Variants in OTUD3 observed in about 807,000 individuals in gnomAD.
OTUD3 encodes the protein OTU deubiquitinase 3, also known as OTU domain-containing protein 3.
OTUD3 carries 24 observed loss-of-function variants against 46.2 expected under a neutral mutation model. The observed-to-expected ratio is 0.52, with a 90% CI of 0.38 to 0.73. OTUD3 has a LOEUF of 0.73. Among genes scored for constraint, OTUD3 ranks in the 30% least tolerant of loss-of-function variants. The probability of loss-of-function intolerance (pLI) is 0.00; values close to 1 mark genes in which losing one functional copy is unlikely to be tolerated. For missense variants in OTUD3, 455 were observed against 523.3 expected, an observed-to-expected ratio of 0.87 and a Z score of 1.27; for synonymous variants, 189 against 195.4, an observed-to-expected ratio of 0.97 and a Z score of 0.27.
intron 3 of OTUD3, among the ~76,000 whole-genome samples, chr1:19,895,588 A>G (rs1458637772): frequency 6.6e-6 from 1 of 152,214 alleles, no homozygotes; most frequent in Admixed American, 6.5e-5. Flanking sequence ...AAAGTAAGAT[A>G]GTGCAGGGAT....
rs1199591956 is a variant in OTUD3 at position 19,890,372 on chromosome 1, G to C, written c.222-13G>C. The C allele has an allele frequency of 6.2e-7, 1 of 1,613,368 alleles. No homozygotes were observed. On this transcript the variant is annotated splice_polypyrimidine_tract_variant and intron_variant, in intron 1 of 7. Coordinates refer to ENST00000375120, the MANE Select transcript of OTUD3 (RefSeq NM_015207.2). Reference sequence around the variant, plus strand: ...TTTTTGAAAGGTCTTGACTCGTGTTGTTGTTTTGACAGCAATTGCTTGTTC... The same window carrying C: ...TTTTTGAAAGGTCTTGACTCGTGTTCTTGTTTTGACAGCAATTGCTTGTTC...
chr1:19,903,717 A>G (rs1029717511), intron 4 of OTUD3, among the ~76,000 whole-genome samples: 46 of 152,256 alleles, frequency 3.0e-4, no homozygotes, highest in African/African-American at 1.1e-3. Context: ...TGGATTGACA[A>G]GTTTCCCTGG....
At chr1:19,884,041 A>C (rs966576348) in intron 1 of OTUD3, among the ~76,000 whole-genome samples, 2 of 152,246 alleles carry the variant, frequency 1.3e-5, no homozygotes, top group African/African-American at 4.8e-5. Context: ...TGCTTGGTAC[A>C]TGGAAGGCAG....
chr1:19,890,615 C>A, intron 2 of OTUD3, 82 bp downstream of exon 2: 1 of 1,258,182 alleles, frequency 7.9e-7, no homozygotes, highest in Non-Finnish European at 1.2e-6. Context: ...CCCCTCCCAG[C>A]CAAGGGTTTG....
rs1482202797 is a variant in OTUD3 at position 19,907,639 on chromosome 1, C to A, written c.1090C>A (p.His364Asn). 1.9e-6 allele frequency: 3 copies of A among 1,614,158 alleles called. No individual in the cohort carries two copies. The highest frequency in any genetic ancestry group is 1.7e-6 in the Non-Finnish European group (2 of 1,180,030). ...KKKRQEERHRHKALESRGSHR... is the reference protein window; with the variant it reads ...KKKRQEERHRNKALESRGSHR... ...GAAGCGGCAGGAGGAGAGGCACCGC[C>A]ACAAAGCCCTGGAGAGCAGAGGTAG... Residue 364 changes from histidine (H) to asparagine (N), a missense_variant, in exon 8 of 8, where the codon CAC (histidine) becomes AAC (asparagine). His to Asn is a moderately conservative substitution (Grantham distance 68). Transcript: ENST00000375120.
Position 19,894,435 on chromosome 1 carries a change from T to G in OTUD3, c.438T>G (p.His146Gln). 1.9e-6 allele frequency: 3 copies of G among 1,611,512 alleles called. No homozygotes were observed. The highest frequency in any genetic ancestry group is 2.5e-6 in the Non-Finnish European group (3 of 1,178,668). The change falls in exon 3 of 8, where the codon CAT (histidine) becomes CAG (glutamine). Residue 146 changes from histidine (H) to glutamine (Q), a missense_variant. Physicochemically the swap from His to Gln is conservative, Grantham distance 24. Coordinates refer to ENST00000375120, the MANE Select transcript of OTUD3 (RefSeq NM_015207.2). ...NDAIVAFARN[H>Q]QLNVVIHQLN... ...CAATTGTAGCCTTTGCAAGAAATCA[T>G]CAGTTGAATGTAGTGATTCATCAAC... is the stretch of plus-strand genomic sequence containing the variant.
In OTUD3 at chr1:19,912,752, G is replaced by C. The variant is rs911848008; in HGVS notation, c.*5006G>C. On this transcript the variant is annotated 3_prime_UTR_variant, in exon 8 of 8. Coordinates refer to ENST00000375120, the MANE Select transcript of OTUD3 (RefSeq NM_015207.2). ...CCTAGATTGTTTCTTTCCACGGATT[G>C]TGTTCATCTGAACCATTTTATTTTT... 12 of 152,304 alleles carry C rather than the reference G, an allele frequency of 7.9e-5. No individual in the cohort carries two copies. Among genetic ancestry groups the C allele is most frequent in the Non-Finnish European group, 1.2e-4 (8 of 68,030 alleles). 9.4% of individuals were successfully genotyped at this position (152,304 alleles called of 1,614,324 possible). A position where few individuals can be genotyped will look rare whatever the true frequency, so the allele number is the denominator to read the frequency against.
chr1:19,892,076 G>A (rs558964147), intron 2 of OTUD3, among the ~76,000 whole-genome samples: 1 of 152,244 alleles, frequency 6.6e-6, no homozygotes, highest in South Asian at 2.1e-4. Flanking sequence ...GGATTTTGGG[G>A]TGTTACAGGA....
chr1:19,893,806 C>T (rs1021582713), intron 2 of OTUD3, among the ~76,000 whole-genome samples: 1 of 152,220 alleles, frequency 6.6e-6, no homozygotes, highest in Non-Finnish European at 1.5e-5. Flanking sequence ...TAGTGCCTAT[C>T]TTGTTTGCCC....
Position 19,910,639 on chromosome 1 carries a change from G to A in OTUD3, c.*2893G>A, listed in dbSNP as rs2045722484. ...TTTTAAATGTTAGTCGAAGTTGTCT[G>A]TAGTTTCTTTATTAAGCTCTGAAAA... On this transcript the variant is annotated 3_prime_UTR_variant, in exon 8 of 8. Transcript: ENST00000375120. 1 of 152,376 alleles carries A rather than the reference G, an allele frequency of 6.6e-6. No individual in the cohort carries two copies. Among genetic ancestry groups the A allele is most frequent in the African/African-American group, 2.4e-5 (1 of 41,464 alleles). 9.4% of individuals were successfully genotyped at this position (152,376 alleles called of 1,614,324 possible).
intron 1 of OTUD3, 43 bp downstream of exon 1, chr1:19,882,777 G>T: frequency 7.9e-7 from 1 of 1,264,830 alleles, no homozygotes; most frequent in Non-Finnish European, 1.0e-6. Context: ...CGGGGGACGC[G>T]CCGGGCTCGG....
chr1:19,904,193 G>C, intron 4 of OTUD3, 74 bp from the exon 5 acceptor site: 1 of 1,204,242 alleles, frequency 8.3e-7, no homozygotes, highest in African/African-American at 1.5e-5. Context: ...CCAGATTAGA[G>C]TGTCTTGTGT....
At chr1:19,902,645 T>C (rs916868632) in intron 4 of OTUD3, among the ~76,000 whole-genome samples, 1 of 152,186 alleles carries the variant, frequency 6.6e-6, no homozygotes, top group Non-Finnish European at 1.5e-5. Flanking sequence ...GTTCTGCCTT[T>C]TTGAGTTGTA....
Position 19,910,715 on chromosome 1 carries a change from T to C in OTUD3, c.*2969T>C, listed in dbSNP as rs2045723527. On this transcript the variant is annotated 3_prime_UTR_variant, in exon 8 of 8. Coordinates refer to ENST00000375120, the MANE Select transcript of OTUD3 (RefSeq NM_015207.2). Reference sequence around the variant, plus strand: ...AGGGCTTGGGAAGTGGGATCTCCCTTGTGGAGCAGCTGGAGCTGGCTGGGA... The same window carrying C: ...AGGGCTTGGGAAGTGGGATCTCCCTCGTGGAGCAGCTGGAGCTGGCTGGGA... 1 of 152,268 alleles carries C rather than the reference T, an allele frequency of 6.6e-6. No homozygotes were observed. The highest frequency in any genetic ancestry group is 2.4e-5 in the African/African-American group (1 of 41,436). 9.4% of individuals were successfully genotyped at this position (152,268 alleles called of 1,614,324 possible).
intron 3 of OTUD3, 74 bp from the exon 4 acceptor site, chr1:19,897,466 C>G (rs761874311): frequency 6.5e-7 from 1 of 1,536,588 alleles, no homozygotes; most frequent in African/African-American, 1.4e-5. Context: ...CCTCAGCAGT[C>G]CAGGTGGGTG....
At chr1:19,889,441 T>TTA (rs2045418234) in intron 1 of OTUD3, among the ~76,000 whole-genome samples, 1 of 152,226 alleles carries the variant, frequency 6.6e-6, no homozygotes, top group Non-Finnish European at 1.5e-5. Flanking sequence ...AGTGATGAGT[T>TTA]TATACTTTGG....
At chr1:19,882,844 G>C (rs959452374) in intron 1 of OTUD3, 110 bp downstream of exon 1, 35 of 1,027,062 alleles carry the variant, frequency 3.4e-5, no homozygotes, top group Non-Finnish European at 3.8e-5. Context: ...CGGCCCGGGC[G>C]CCTCCCGCGA....
At chr1:19,888,921 T>C (rs750802088) in intron 1 of OTUD3, among the ~76,000 whole-genome samples, 7 of 152,224 alleles carry the variant, frequency 4.6e-5, no homozygotes, top group Non-Finnish European at 7.3e-5. Context: ...GAACATTTGC[T>C]CATGTTATTA....
chr1:19,901,231 G>T (rs1008379485), intron 4 of OTUD3, among the ~76,000 whole-genome samples: 1 of 152,150 alleles, frequency 6.6e-6, no homozygotes, highest in Middle Eastern at 3.4e-3. Context: ...TTTAAAATTG[G>T]AATCTCATTA....
Sources: allele counts gnomAD v4.1 joint callset (sites outside exome capture counted in the v4.1 genomes callset), GRCh38; gene constraint gnomAD v4.1.1; transcripts MANE v1.5; gene names NCBI Gene and HGNC (gene_info 2026-07-23, HGNC 2026-07-21).